The following KCNH2 variants were observed in gnomAD, a reference collection of about 807,000 sequenced individuals.
KCNH2 encodes potassium voltage-gated channel subfamily H member 2.
In KCNH2, 35 loss-of-function variants were observed where a neutral mutation model predicts 95.9. The ratio of observed to expected loss-of-function variants is 0.37; its 90% CI spans 0.28 to 0.48. KCNH2 has a LOEUF of 0.48. Among genes scored for constraint, KCNH2 ranks in the 20% least tolerant of loss-of-function variants. The pLI, the probability that KCNH2 is intolerant of heterozygous loss-of-function variation, is 0.99. For synonymous variants in KCNH2, 786 were observed against 754.7 expected, an observed-to-expected ratio of 1.04 and a Z score of -0.68; for missense variants, 1,274 against 1,702.9, an observed-to-expected ratio of 0.75 and a Z score of 4.43.
intron 9 of KCNH2, chr7:150,949,408 ATTTTTTTTTT>A (rs1035990140): frequency 5.3e-6 from 2 of 375,778 alleles, no homozygotes; most frequent in Non-Finnish European, 3.5e-6. Flanking sequence ...CAAAACCAGC[ATTTTTTTTTT>A]TTTTTTTTTT....
chr7:150,957,571 CGA>C, intron 4 of KCNH2, 69 bp from the exon 5 acceptor site: 1 of 1,179,914 alleles, frequency 8.5e-7, no homozygotes, highest in African/African-American at 1.5e-5. Flanking sequence ...ACCCATAGAT[CGA>C]GAGTGGAGAC....
intron 2 of KCNH2, among the ~76,000 whole-genome samples, chr7:150,973,307 G>A (rs78044094): frequency 0.023 from 3,528 of 152,238 alleles, 98 homozygotes; most frequent in East Asian, 0.066. Context: ...GAGCGCACAG[G>A]GCTCCGGTCA....
chr7:150,968,838 G>A (rs1801768094), intron 2 of KCNH2, among the ~76,000 whole-genome samples: 1 of 152,174 alleles, frequency 6.6e-6, no homozygotes, highest in Non-Finnish European at 1.5e-5. Context: ...CCCGGATCAG[G>A]CTCATTTCCC....
chr7:150,946,772 G>T lies in KCNH2; in HGVS notation c.3330+105C>A. The T allele has an allele frequency of 9.2e-7, 1 of 1,089,570 alleles. No homozygotes were observed. Among genetic ancestry groups the T allele is most frequent in the East Asian group, 2.4e-5 (1 of 41,186 alleles). The allele number at this position is 1,089,570 out of a possible 1,614,324, so 67.5% of individuals were successfully genotyped here. On this transcript the variant is annotated intron_variant, in intron 14 of 14. Transcript: ENST00000262186. This position sits in a 1 kb window ranked among gnomAD's most constrained non-coding sequence, Gnocchi z 6.5. ...GAGGAGGGCAGGAACAAGGTTCAGG[G>T]AGGCTGGGCCACAGAGCCCAGCAGA...
chr7:150,968,945 G>A (rs1231272781), intron 2 of KCNH2, among the ~76,000 whole-genome samples: 2 of 152,192 alleles, frequency 1.3e-5, no homozygotes, highest in Admixed American at 1.3e-4. Context: ...GCTGCTTTGT[G>A]GGTGTCTGTC....
At chr7:150,977,223 C>T (rs1266368450) in intron 1 of KCNH2, among the ~76,000 whole-genome samples, 1 of 152,154 alleles carries the variant, frequency 6.6e-6, no homozygotes, top group Non-Finnish European at 1.5e-5. Flanking sequence ...CCAGCTCTAG[C>T]CCCAGGACAC....
In KCNH2 at chr7:150,945,680, G is replaced by C. The variant is rs930232422; in HGVS notation, c.3331-166C>G. ...TGGAGGGGACAAGAGCCAAGGCAGC[G>C]AGAGCAGGACAGGGGCCACCAAGGG... On this transcript the variant is annotated intron_variant, in intron 14 of 14. Transcript: ENST00000262186. This position sits in a 1 kb window ranked among gnomAD's most constrained non-coding sequence, Gnocchi z 5.6. Among the ~76,000 whole-genome samples, 1 of 152,148 alleles carries C rather than the reference G, an allele frequency of 6.6e-6. No individual in the cohort carries two copies. Among genetic ancestry groups the C allele is most frequent in the Non-Finnish European group, 1.5e-5 (1 of 68,024 alleles).
Position 150,948,521 on chromosome 7 carries a change from G to T in KCNH2, c.2615C>A (p.Pro872His). ...LRDTNMIPGS[P>H]GSTELEGGFS... is the part of the protein sequence containing the mutation. ...GCCACCCTCTAACTCCGTACTGCCG[G>T]GGGAGCCCGGGATCATGTTGGTCTG... Residue 872 changes from proline (P) to histidine (H), a missense_variant, in exon 11 of 15, where the codon CCC becomes CAC. Around this residue, in one of 7 missense-constraint regions of KCNH2, gnomAD observed 457 missense variants for 416.1 expected, o/e 1.10. Coordinates refer to ENST00000262186, the MANE Select transcript of KCNH2 (RefSeq NM_000238.4). 6.2e-7 allele frequency: 1 copy of T among 1,613,730 alleles called. No homozygotes were observed. Among genetic ancestry groups the T allele is most frequent in the Non-Finnish European group, 8.5e-7 (1 of 1,180,012 alleles).
chr7:150,961,932 A>G lies in KCNH2; in HGVS notation c.308-2196T>C, dbSNP rs776256519. ...CTGAAACCAGCTTAAACAGGATGGC[A>G]CTAGGTGAAGGGGCTGGCCAGGAAC... On this transcript the variant is annotated intron_variant, in intron 2 of 14. Transcript: ENST00000262186. The surrounding 1 kb of genome is among the most constrained non-coding windows in gnomAD (Gnocchi z 6.2). Among the ~76,000 whole-genome samples the G allele has an allele frequency of 6.6e-6, 1 of 152,174 alleles. No homozygotes were observed. The highest frequency in any genetic ancestry group is 1.5e-5 in the Non-Finnish European group (1 of 68,018).
At chr7:150,971,812 C>T (rs976417382) in intron 2 of KCNH2, among the ~76,000 whole-genome samples, 2 of 151,902 alleles carry the variant, frequency 1.3e-5, no homozygotes, top group African/African-American at 2.4e-5. Context: ...AAGCAGGGAG[C>T]AGAGGCAGGA....
At chr7:150,977,719 G>A in intron 1 of KCNH2, 119 bp downstream of exon 1, 1 of 686,846 alleles carries the variant, frequency 1.5e-6, no homozygotes, top group Non-Finnish European at 2.3e-6. Context: ...GGGCCCACCA[G>A]GCCCCATTGA....
chr7:150,950,501 C>T (rs1181446005), intron 8 of KCNH2, 81 bp from the exon 9 acceptor site: 7 of 1,542,124 alleles, frequency 4.5e-6, no homozygotes, highest in Non-Finnish European at 6.1e-6. Flanking sequence ...TCCCACCCCT[C>T]CATGTCAGAG....
chr7:150,967,898 T>A (rs1339828629), intron 2 of KCNH2, among the ~76,000 whole-genome samples: 2 of 152,218 alleles, frequency 1.3e-5, no homozygotes, highest in Non-Finnish European at 2.9e-5. Flanking sequence ...TATGCATTGG[T>A]ATCTCTAGAG....
intron 9 of KCNH2, chr7:150,949,750 A>G (rs1801062010): frequency 8.4e-7 from 1 of 1,184,372 alleles, no homozygotes; most frequent in Non-Finnish European, 1.1e-6. Context: ...AAGTGGGGGG[A>G]GGGGGCAGGA....
chr7:150,971,069 A>G (rs1049528301), intron 2 of KCNH2, among the ~76,000 whole-genome samples: 1 of 152,190 alleles, frequency 6.6e-6, no homozygotes, highest in South Asian at 2.1e-4. Context: ...TGGTGACAAG[A>G]GCAGGGCGTC....
chr7:150,974,751 G>A lies in KCNH2; in HGVS notation c.267C>T (p.Ala89=). 2 of 1,605,908 alleles carry A rather than the reference G, an allele frequency of 1.2e-6. No homozygotes were observed. Among genetic ancestry groups the A allele is most frequent in the South Asian group, 1.1e-5 (1 of 90,272 alleles). ...AAQIAQALLG[A]EERKVEIAFY... ...AGGCGATTTCCACTTTGCGCTCCTC[G>A]GCGCCCAGCAGTGCCTGCGCGATCT... Residue 89 remains alanine, a synonymous_variant, in exon 2 of 15, where the codon GCC becomes GCT. Transcript: ENST00000262186.
chr7:150,968,248 C>G (rs1801754828), intron 2 of KCNH2, among the ~76,000 whole-genome samples: 1 of 152,192 alleles, frequency 6.6e-6, no homozygotes, highest in Admixed American at 6.5e-5. Context: ...ATTCCACTCC[C>G]GGGCGTGTAT....
chr7:150,965,144 G>T (rs140965018), intron 2 of KCNH2, among the ~76,000 whole-genome samples: 1 of 152,072 alleles, frequency 6.6e-6, no homozygotes, highest in Non-Finnish European at 1.5e-5. Context: ...AATGCAGCAG[G>T]TTGAGGGGCC....
At position 150,948,844 on chromosome 7, in the gene KCNH2, C is replaced by T; in HGVS notation, c.2592+12G>A. The T allele has an allele frequency of 1.9e-6, 3 of 1,613,760 alleles. No individual in the cohort carries two copies. The highest frequency in any genetic ancestry group is 2.5e-6 in the Non-Finnish European group (3 of 1,179,664). ...CAGGAGGATGGGGTCCAGCTCAGGG[C>T]AGCCAACTCACATCTCGCAGGTTGA... On this transcript the variant is annotated intron_variant, in intron 10 of 14. Coordinates refer to ENST00000262186, the MANE Select transcript of KCNH2 (RefSeq NM_000238.4).
Sources: allele counts gnomAD v4.1 joint callset (sites outside exome capture counted in the v4.1 genomes callset), GRCh38; gene constraint gnomAD v4.1.1; regional missense constraint gnomAD v4.1.1; non-coding constraint Gnocchi (gnomAD v3.1); transcripts MANE v1.5; gene names NCBI Gene and HGNC (gene_info 2026-07-23, HGNC 2026-07-21).